Variants in PPM1E observed in about 807,000 individuals in gnomAD.
The protein encoded by PPM1E is protein phosphatase 1E.
Under a neutral mutation model 65.9 loss-of-function variants are expected in PPM1E, and 20 were observed. That is an observed-to-expected ratio of 0.30 (90% CI 0.21 to 0.44). PPM1E has a LOEUF of 0.44. Among genes scored for constraint, PPM1E ranks in the 20% least tolerant of loss-of-function variants. The probability of loss-of-function intolerance (pLI) is 1.00; values close to 1 mark genes in which losing one functional copy is unlikely to be tolerated. For synonymous variants in PPM1E, 352 were observed against 374.9 expected, an observed-to-expected ratio of 0.94 and a Z score of 0.70; for missense variants, 713 against 953.1, an observed-to-expected ratio of 0.75 and a Z score of 3.32.
intron 1 of PPM1E, among the ~76,000 whole-genome samples, chr17:58,812,097 C>T (rs544507676): frequency 2.8e-4 from 42 of 151,810 alleles, no homozygotes; most frequent in African/African-American, 1.0e-3. Flanking sequence ...AAACACAGGA[C>T]AGATGTCTCA....
At chr17:58,927,430 G>A (rs1004440337) in intron 1 of PPM1E, among the ~76,000 whole-genome samples, 2 of 151,898 alleles carry the variant, frequency 1.3e-5, no homozygotes, top group Middle Eastern at 3.4e-3. Flanking sequence ...GCACCCAGCC[G>A]ACTTTTAAAC....
At chr17:58,839,179 A>G (rs1308525845) in intron 1 of PPM1E, among the ~76,000 whole-genome samples, 1 of 152,122 alleles carries the variant, frequency 6.6e-6, no homozygotes, top group Non-Finnish European at 1.5e-5. Context: ...ATTTAACAAT[A>G]GCTTTCACAG....
intron 1 of PPM1E, among the ~76,000 whole-genome samples, chr17:58,786,441 A>G (rs911431420): frequency 7.2e-5 from 11 of 152,216 alleles, no homozygotes; most frequent in Non-Finnish European, 1.5e-4. Flanking sequence ...AAACATTGCT[A>G]TAATGTTACC....
intron 1 of PPM1E, among the ~76,000 whole-genome samples, chr17:58,827,711 G>A (rs1567845758): frequency 6.6e-6 from 1 of 150,742 alleles, no homozygotes; most frequent in African/African-American, 2.4e-5. Context: ...GACCATCCTG[G>A]CTAACATGGT....
intron 1 of PPM1E, among the ~76,000 whole-genome samples, chr17:58,887,145 A>C (rs902450479): frequency 6.6e-6 from 1 of 150,508 alleles, no homozygotes; most frequent in Non-Finnish European, 1.5e-5. Context: ...CTCATACCTC[A>C]TAAGTGAGGC....
intron 1 of PPM1E, among the ~76,000 whole-genome samples, chr17:58,840,608 T>C (rs778600294): frequency 1.3e-5 from 2 of 151,528 alleles, no homozygotes; most frequent in Non-Finnish European, 2.9e-5. Flanking sequence ...GGGCATCTTG[T>C]AGAGGCAGAA....
intron 1 of PPM1E, among the ~76,000 whole-genome samples, chr17:58,790,336 A>G (rs545723032): frequency 7.5e-4 from 114 of 152,024 alleles, no homozygotes; most frequent in Non-Finnish European, 1.2e-3. Context: ...AACTGGTGAC[A>G]TGAGCCACTG....
At chr17:58,849,878 G>A (rs1704714652) in intron 1 of PPM1E, among the ~76,000 whole-genome samples, 1 of 152,122 alleles carries the variant, frequency 6.6e-6, no homozygotes, top group African/African-American at 2.4e-5. Context: ...TGTTGACAGT[G>A]GGGTGTTAAA....
At chr17:58,831,509 C>T (rs1702150292) in intron 1 of PPM1E, among the ~76,000 whole-genome samples, 1 of 152,146 alleles carries the variant, frequency 6.6e-6, no homozygotes, top group Admixed American at 6.5e-5. Context: ...TTCTCTCCTG[C>T]CATGTGAGGG....
Position 58,983,759 on chromosome 17 carries a change from C to T in PPM1E, c.*2728C>T, listed in dbSNP as rs959609464. 1 of 152,596 alleles carries T rather than the reference C, an allele frequency of 6.6e-6. No homozygotes were observed. Among genetic ancestry groups the T allele is most frequent in the Admixed American group, 6.5e-5 (1 of 15,268 alleles). 9.5% of individuals were successfully genotyped at this position (152,596 alleles called of 1,614,324 possible). A position where few individuals can be genotyped will look rare whatever the true frequency, so the allele number is the denominator to read the frequency against. ...CTCAATCCTTAAAGAGTGGCAGTAT[C>T]CCTTTTTCAATTTAACATGGTCTGC... On this transcript the variant is annotated 3_prime_UTR_variant, in exon 7 of 7. Transcript: ENST00000308249.
chr17:58,877,338 C>T (rs975035184), intron 1 of PPM1E, among the ~76,000 whole-genome samples: 1 of 152,078 alleles, frequency 6.6e-6, no homozygotes, highest in Admixed American at 6.5e-5. Context: ...TTTTAAAATT[C>T]TCTTCTTTAA....
chr17:58,771,133 G>A (rs540199179), intron 1 of PPM1E, among the ~76,000 whole-genome samples: 2 of 151,892 alleles, frequency 1.3e-5, no homozygotes, highest in South Asian at 2.1e-4. Context: ...GGGATTACAG[G>A]CGTGAGCCAC....
At chr17:58,946,264 G>A (rs1395338917) in intron 1 of PPM1E, among the ~76,000 whole-genome samples, 2 of 152,164 alleles carry the variant, frequency 1.3e-5, no homozygotes, top group Non-Finnish European at 2.9e-5. Context: ...GGTTTTAGGG[G>A]CTCTGTGTCA....
At chr17:58,834,544 G>A (rs1398804698) in intron 1 of PPM1E, among the ~76,000 whole-genome samples, 1 of 152,030 alleles carries the variant, frequency 6.6e-6, no homozygotes, top group African/African-American at 2.4e-5. Flanking sequence ...ATAAAATTAT[G>A]CATTTGAAGT....
chr17:58,928,125 G>A (rs1012557051), intron 1 of PPM1E, among the ~76,000 whole-genome samples: 1 of 151,754 alleles, frequency 6.6e-6, no homozygotes, highest in African/African-American at 2.4e-5. Flanking sequence ...TCAGCTACAC[G>A]AGAGGCTGAG....
chr17:58,833,201 A>G (rs938303983), intron 1 of PPM1E, among the ~76,000 whole-genome samples: 1 of 151,780 alleles, frequency 6.6e-6, no homozygotes, highest in African/African-American at 2.4e-5. Flanking sequence ...CATTTGGGAT[A>G]TAGAACTCCC....
At chr17:58,955,472 G>A in intron 1 of PPM1E, 177 bp from the exon 2 acceptor site, 2 of 692,824 alleles carry the variant, frequency 2.9e-6, no homozygotes, top group Admixed American at 2.3e-5. Flanking sequence ...TCTGTGTTAT[G>A]CATCAATATA....
intron 1 of PPM1E, among the ~76,000 whole-genome samples, chr17:58,836,798 G>A (rs1303814555): frequency 1.3e-5 from 2 of 148,588 alleles, no homozygotes; most frequent in Non-Finnish European, 3.0e-5. Context: ...GAGACGGGCG[G>A]ATCACGAGGT....
intron 1 of PPM1E, among the ~76,000 whole-genome samples, chr17:58,801,917 C>T (rs2050262299): frequency 1.3e-5 from 2 of 152,024 alleles, no homozygotes; most frequent in Admixed American, 1.3e-4. Context: ...CCACCACCTC[C>T]AGGTAATTTT....
Sources: gnomAD v4.1 joint callset for allele counts (sites outside exome capture counted in the v4.1 genomes callset) on GRCh38, gnomAD v4.1.1 for gene constraint, MANE v1.5 for transcripts, NCBI Gene and HGNC (gene_info 2026-07-23, HGNC 2026-07-21) for gene names.